The following CDH9 variants were observed in gnomAD, a reference collection of about 807,000 sequenced individuals.
CDH9 encodes cadherin 9, also known as cadherin-9.
Under a neutral mutation model 70.9 loss-of-function variants are expected in CDH9, and 28 were observed. The observed-to-expected ratio is 0.40, with a 90% CI of 0.29 to 0.54. The LOEUF (loss-of-function observed/expected upper bound fraction) is 0.54, where lower values mean the gene tolerates loss of function less well. Ranked by LOEUF, CDH9 falls within the 20% of genes least tolerant of loss-of-function variation. The probability of loss-of-function intolerance (pLI) is 0.59; values close to 1 mark genes in which losing one functional copy is unlikely to be tolerated. For synonymous variants in CDH9, 409 were observed against 343.1 expected (o/e 1.19, Z -2.12); for missense variants, 874 against 984.4 (o/e 0.89, Z 1.50).
At chr5:26,913,281 T>G (rs1469214705) in intron 3 of CDH9, among the ~76,000 whole-genome samples, 1 of 152,156 alleles carries the variant, frequency 6.6e-6, no homozygotes, top group Non-Finnish European at 1.5e-5. Flanking sequence ...GCATATTGTA[T>G]ATAATATATT....
chr5:26,914,743 T>C (rs1386720868), intron 3 of CDH9, among the ~76,000 whole-genome samples: 2 of 152,090 alleles, frequency 1.3e-5, no homozygotes, highest in Non-Finnish European at 2.9e-5. Context: ...AAACATATAT[T>C]AGTTATAAGA....
chr5:26,952,468 A>AC (rs1474468454), intron 2 of CDH9, among the ~76,000 whole-genome samples: 2 of 128,394 alleles, frequency 1.6e-5, no homozygotes, highest in Non-Finnish European at 1.7e-5. Flanking sequence ...CAAAAAAAAA[A>AC]AAAAAAAAAA....
chr5:26,988,396 A>C lies in CDH9; in HGVS notation c.-49-14T>G. 6.4e-7 allele frequency: 1 copy of C among 1,567,140 alleles called. No homozygotes were observed. The highest frequency in any genetic ancestry group is 1.2e-5 in the South Asian group (1 of 85,652). ...TGTTTGTTTTTCCTAAAGAGTAAGG[A>C]GAAAAAAAATGGCTGTATTAGCTTG... On this transcript the variant is annotated splice_polypyrimidine_tract_variant and intron_variant, in intron 1 of 11. Coordinates refer to ENST00000231021, the MANE Select transcript of CDH9 (RefSeq NM_016279.4).
intron 2 of CDH9, among the ~76,000 whole-genome samples, chr5:26,962,072 C>T (rs1231805580): frequency 2.6e-5 from 4 of 152,016 alleles, no homozygotes; most frequent in Non-Finnish European, 4.4e-5. Flanking sequence ...TGAGAACATG[C>T]GGTGTTTGTT....
intron 2 of CDH9, among the ~76,000 whole-genome samples, chr5:26,922,667 C>A (rs1741265308): frequency 6.6e-6 from 1 of 151,664 alleles, no homozygotes; most frequent in Non-Finnish European, 1.5e-5. Context: ...AACTCACTAG[C>A]AATAGTAAGT....
chr5:26,987,853 C>T (rs1742513495), intron 2 of CDH9, among the ~76,000 whole-genome samples: 1 of 151,940 alleles, frequency 6.6e-6, no homozygotes, highest in Non-Finnish European at 1.5e-5. Context: ...TAAATAATAT[C>T]TAGCTGATTA....
In CDH9 at chr5:26,988,516, A is replaced by T. The variant is rs1305166512; in HGVS notation, c.-49-134T>A. The T allele has an allele frequency of 1.7e-5, 12 of 710,164 alleles. No homozygotes were observed. In the African/African-American group the frequency reaches 2.2e-4, roughly 13 times the overall value. The allele number at this position is 710,164 out of a possible 1,614,324, so 44.0% of individuals were successfully genotyped here. ...TATATATACATTATATTTCTATATC[A>T]GTGAACGGTCATGAAAAACTCATTT... On this transcript the variant is annotated intron_variant, in intron 1 of 11. Transcript: ENST00000231021.
At chr5:26,903,300 C>A in intron 6 of CDH9, 1 of 370,386 alleles carries the variant, frequency 2.7e-6, no homozygotes, top group South Asian at 2.4e-5. Context: ...TATATCATCA[C>A]ACTTACAATG....
intron 9 of CDH9, among the ~76,000 whole-genome samples, chr5:26,888,845 G>A (rs1229736582): frequency 2.0e-5 from 3 of 152,098 alleles, no homozygotes; most frequent in Non-Finnish European, 2.9e-5. Context: ...CTTGGCCCAC[G>A]AATTCAGGGA....
intron 4 of CDH9, among the ~76,000 whole-genome samples, chr5:26,906,470 C>A (rs1205290494): frequency 2.6e-5 from 4 of 151,942 alleles, no homozygotes; most frequent in Non-Finnish European, 1.5e-5. Flanking sequence ...TGTGCTGAAT[C>A]TCTGTGAAAT....
At chr5:26,918,106 C>A (rs2112008154) in intron 2 of CDH9, among the ~76,000 whole-genome samples, 1 of 152,228 alleles carries the variant, frequency 6.6e-6, no homozygotes, top group African/African-American at 2.4e-5. Context: ...GCATCTCTGC[C>A]TCTTTTCCCT....
chr5:26,941,228 A>G (rs1339620738), intron 2 of CDH9, among the ~76,000 whole-genome samples: 2 of 152,218 alleles, frequency 1.3e-5, no homozygotes, highest in South Asian at 2.1e-4. Context: ...TTCTGGGAAC[A>G]TATTAGTGTT....
chr5:26,932,621 A>T (rs1036575676), intron 2 of CDH9, among the ~76,000 whole-genome samples: 2 of 152,100 alleles, frequency 1.3e-5, no homozygotes. Flanking sequence ...GAATGTCTTT[A>T]TCTCTTTAAT....
intron 2 of CDH9, among the ~76,000 whole-genome samples, chr5:26,966,051 T>G (rs967174927): frequency 1.6e-4 from 25 of 152,194 alleles, no homozygotes; most frequent in African/African-American, 6.0e-4. Context: ...CTTTCTGAAC[T>G]AGGCACTTAT....
At chr5:27,001,440 G>T (rs1742766213) in intron 1 of CDH9, among the ~76,000 whole-genome samples, 1 of 152,072 alleles carries the variant, frequency 6.6e-6, no homozygotes, top group Admixed American at 6.6e-5. Flanking sequence ...TTGGGATTCA[G>T]GTTTCTTATT....
chr5:27,016,329 T>A (rs1244595078), intron 1 of CDH9, among the ~76,000 whole-genome samples: 1 of 151,806 alleles, frequency 6.6e-6, no homozygotes. Context: ...GAGAGATCAT[T>A]GTTTGATGAA....
chr5:26,979,596 C>A lies in CDH9; in HGVS notation c.228+8510G>T, dbSNP rs561491315. 4.6e-5 allele frequency among the ~76,000 whole-genome samples: 7 copies of A among 151,788 alleles called. No homozygotes were observed. The Middle Eastern group carries it at 0.014, about 295-fold the overall frequency. On this transcript the variant is annotated intron_variant, in intron 2 of 11. Coordinates refer to ENST00000231021, the MANE Select transcript of CDH9 (RefSeq NM_016279.4). ...TTAAATGCCAAATATTGTCAGATTG[C>A]GTAAAAAGAATAAACCAACTCTGAG...
rs530061295 is a variant in CDH9 at position 26,965,560 on chromosome 5, A to T, written c.228+22546T>A. 3.5e-5 allele frequency among the ~76,000 whole-genome samples: 5 copies of T among 144,324 alleles called. No homozygotes were observed. In the South Asian group the frequency reaches 8.5e-4, roughly 25 times the overall value. 94.7% of individuals were successfully genotyped at this position (144,324 alleles called of 152,430 possible). A position where few individuals can be genotyped will look rare whatever the true frequency, so the allele number is the denominator to read the frequency against. ...CATTGGAATCCAGCGTGCATGACAG[A>T]GTGAGACTCTGTCTTAATAATAATA... On this transcript the variant is annotated intron_variant, in intron 2 of 11. Coordinates refer to ENST00000231021, the MANE Select transcript of CDH9 (RefSeq NM_016279.4).
Position 26,988,298 on chromosome 5 carries a change from C to A in CDH9, c.36G>T (p.Trp12Cys). Residue 12 changes from tryptophan to cysteine, a missense_variant, in exon 2 of 12, where the codon TGG becomes TGT. Transcript: ENST00000231021. The stretch of plus-strand genomic sequence containing the variant: ...TGTCAACTGTATGGAACATATAGGT[C>A]CAGATGAATAATGGTATATAATGGT... ...RTYHYIPLFI[W>C]TYMFHTVDTI... 1 of 1,613,028 alleles carries A rather than the reference C, an allele frequency of 6.2e-7. No individual in the cohort carries two copies. The highest frequency in any genetic ancestry group is 8.5e-7 in the Non-Finnish European group (1 of 1,179,374).
Sources: gnomAD v4.1 joint callset for allele counts (sites outside exome capture counted in the v4.1 genomes callset) on GRCh38, gnomAD v4.1.1 for gene constraint, MANE v1.5 for transcripts, NCBI Gene and HGNC (gene_info 2026-07-23, HGNC 2026-07-21) for gene names.